The following MAPK10 variants were observed in gnomAD, a reference collection of about 807,000 sequenced individuals.
The protein encoded by MAPK10 is mitogen-activated protein kinase 10, also known as JNK3 alpha protein kinase.
Under a neutral mutation model 59.3 loss-of-function variants are expected in MAPK10, and 25 were observed. The observed-to-expected ratio is 0.42, with a 90% confidence interval of 0.31 to 0.59. The LOEUF is 0.59. Ranked by LOEUF, MAPK10 falls within the 20% of genes least tolerant of loss-of-function variation. MAPK10 has a pLI of 0.15. For synonymous variants in MAPK10, 190 were observed against 200.5 expected (o/e 0.95, Z 0.44); for missense variants, 351 against 568.9 (o/e 0.62, Z 3.90).
intron 13 of MAPK10, among the ~76,000 whole-genome samples, chr4:86,021,869 C>T (rs1350985785): frequency 6.6e-6 from 1 of 152,250 alleles, no homozygotes; most frequent in African/African-American, 2.4e-5. Flanking sequence ...CCCTCACTGC[C>T]CGGGGCCAGC....
chr4:86,028,937 A>C (rs551103078), intron 13 of MAPK10: 22 of 482,264 alleles, frequency 4.6e-5, no homozygotes, highest in South Asian at 4.3e-4. Context: ...AGCCCATGTT[A>C]ACATTTTCTT....
intron 4 of MAPK10, chr4:86,117,819 A>G (rs777557510): frequency 1.3e-4 from 20 of 152,296 alleles, no homozygotes; most frequent in South Asian, 4.1e-4. Flanking sequence ...AGAGTCCCCA[A>G]TGAACTCCAG....
upstream of MAPK10, among the ~76,000 whole-genome samples, chr4:86,361,682 T>G (rs1736995366): frequency 6.6e-6 from 1 of 151,716 alleles, no homozygotes; most frequent in African/African-American, 2.4e-5. Context: ...CACACACACA[T>G]GCTGGAATAC....
chr4:86,311,512 T>C (rs10516774), intron 2 of MAPK10, among the ~76,000 whole-genome samples: 1,962 of 152,268 alleles, frequency 0.013, 39 homozygotes, highest in African/African-American at 0.046. Flanking sequence ...TTTAAAGGAC[T>C]GTAACTACAT....
At chr4:86,562,717 A>G (rs571545957) in intron 1 of MAPK10, among the ~76,000 whole-genome samples, 1 of 151,982 alleles carries the variant, frequency 6.6e-6, no homozygotes, top group Non-Finnish European at 1.5e-5. Context: ...ATAAAAAAAA[A>G]CAACTTTACC....
chr4:86,424,981 A>G (rs1023225525), intron 1 of MAPK10, among the ~76,000 whole-genome samples: 1 of 152,176 alleles, frequency 6.6e-6, no homozygotes, highest in Admixed American at 6.5e-5. Context: ...TGAACTGCCT[A>G]AGGAAAGACC....
upstream of MAPK10, among the ~76,000 whole-genome samples, chr4:86,363,411 C>A (rs536312902): frequency 1.3e-5 from 2 of 152,108 alleles, no homozygotes; most frequent in African/African-American, 4.8e-5. Context: ...TATTACTCAG[C>A]AATTAAAAAG....
intron 1 of MAPK10, among the ~76,000 whole-genome samples, chr4:86,393,964 C>T (rs921382443): frequency 1.3e-5 from 2 of 152,134 alleles, no homozygotes; most frequent in Non-Finnish European, 2.9e-5. Flanking sequence ...AGAAAGAGAA[C>T]ATCAGATGAC....
intron 4 of MAPK10, among the ~76,000 whole-genome samples, chr4:86,144,119 T>A (rs2064274902): frequency 6.6e-6 from 1 of 152,196 alleles, no homozygotes; most frequent in African/African-American, 2.4e-5. Flanking sequence ...TAATTTTGAT[T>A]TCTGCACACT....
At chr4:86,344,328 C>G (rs949540091) in intron 2 of MAPK10, among the ~76,000 whole-genome samples, 3 of 152,144 alleles carry the variant, frequency 2.0e-5, no homozygotes, top group African/African-American at 7.2e-5. Flanking sequence ...CTATATTGCC[C>G]AGGCTGGCCT....
chr4:86,568,972 T>A (rs767267416), intron 1 of MAPK10, among the ~76,000 whole-genome samples: 8 of 152,088 alleles, frequency 5.3e-5, no homozygotes, highest in Non-Finnish European at 8.8e-5. Context: ...CTGAAAAGCT[T>A]CTGCACAGCA....
intron 1 of MAPK10, among the ~76,000 whole-genome samples, chr4:86,561,093 A>G (rs60692836): frequency 6.6e-6 from 1 of 152,162 alleles, no homozygotes; most frequent in Admixed American, 6.5e-5. Flanking sequence ...CAGGCATTGG[A>G]TTCTCCTAAG....
chr4:86,358,270 A>C (rs1242231208), intron 1 of MAPK10: 2 of 985,340 alleles, frequency 2.0e-6, no homozygotes, highest in African/African-American at 3.5e-5. Context: ...ACTATTTTAA[A>C]TATGTTGATA....
At chr4:86,377,381 C>G (rs1037730299) in intron 1 of MAPK10, among the ~76,000 whole-genome samples, 1 of 152,162 alleles carries the variant, frequency 6.6e-6, no homozygotes, top group Non-Finnish European at 1.5e-5. Flanking sequence ...GAGAAGCTGA[C>G]CTGGCAATGA....
intron 2 of MAPK10, among the ~76,000 whole-genome samples, chr4:86,226,475 T>C (rs956145178): frequency 4.6e-5 from 7 of 152,258 alleles, no homozygotes; most frequent in African/African-American, 1.4e-4. Flanking sequence ...GGCAGTATCA[T>C]ACCACATTAT....
At chr4:86,240,245 G>C (rs1399490374) in intron 2 of MAPK10, among the ~76,000 whole-genome samples, 2 of 152,204 alleles carry the variant, frequency 1.3e-5, no homozygotes, top group African/African-American at 4.8e-5. Context: ...TTTTGCACTT[G>C]CTGAGGAGTG....
At chr4:86,094,177 C>T (rs1209157668) in intron 9 of MAPK10, among the ~76,000 whole-genome samples, 1 of 151,900 alleles carries the variant, frequency 6.6e-6, no homozygotes, top group Non-Finnish European at 1.5e-5. Flanking sequence ...TTACTTTGAT[C>T]CTTCCTAATG....
chr4:86,184,935 A>G (rs2077815117), intron 3 of MAPK10, among the ~76,000 whole-genome samples: 1 of 152,180 alleles, frequency 6.6e-6, no homozygotes, highest in Non-Finnish European at 1.5e-5. Flanking sequence ...TGAGTTCTGC[A>G]GTACAGCAGT....
intron 1 of MAPK10, among the ~76,000 whole-genome samples, chr4:86,508,438 A>G (rs919279632): frequency 2.6e-5 from 4 of 152,194 alleles, no homozygotes; most frequent in East Asian, 1.9e-4. Context: ...ATTTCTGGCG[A>G]GCCCTTTCTG....
Sources: allele counts gnomAD v4.1 joint callset (sites outside exome capture counted in the v4.1 genomes callset), GRCh38; gene constraint gnomAD v4.1.1; transcripts MANE v1.5; gene names NCBI Gene and HGNC (gene_info 2026-07-23, HGNC 2026-07-21).